Variants in SRCIN1 observed in about 807,000 individuals in gnomAD.
The protein encoded by SRCIN1 is SRC kinase signaling inhibitor 1.
SRCIN1 carries 50 observed loss-of-function variants against 116.2 expected under a neutral mutation model. The ratio of observed to expected loss-of-function variants is 0.43; its 90% CI spans 0.34 to 0.54. The LOEUF (loss-of-function observed/expected upper bound fraction) is 0.54. Among genes scored for constraint, SRCIN1 ranks in the 20% least tolerant of loss-of-function variants. The probability of loss-of-function intolerance (pLI) is 0.02; values close to 1 mark genes in which losing one functional copy is unlikely to be tolerated. For missense variants in SRCIN1, 1,446 were observed against 1,672.0 expected (o/e 0.86, Z 2.36); for synonymous variants, 736 against 750.0 (o/e 0.98, Z 0.30).
At chr17:38,567,847 A>C (rs117574743) in intron 3 of SRCIN1, among the ~76,000 whole-genome samples, 1,931 of 152,316 alleles carry the variant, frequency 0.013, 16 homozygotes, top group South Asian at 0.04. Context: ...GAATTCAAAG[A>C]AGAGGGCCCA....
chr17:38,589,168 G>A (rs1022813822), intron 1 of SRCIN1, among the ~76,000 whole-genome samples: 2 of 152,126 alleles, frequency 1.3e-5, no homozygotes, highest in African/African-American at 4.8e-5. Context: ...CACCTGCCTC[G>A]GCCTCCCAAA....
chr17:38,531,885 T>A lies in SRCIN1; in HGVS notation c.*1412A>T, dbSNP rs544584894. On this transcript the variant is annotated 3_prime_UTR_variant, in exon 19 of 19. Coordinates refer to ENST00000617146, the MANE Select transcript of SRCIN1 (RefSeq NM_025248.3). ...GATTCTAGTCCCCCTCCCCTGTGCTTACTTCACTTTGTGCTCCAAGTGGGA... is the reference window on the plus strand; with the variant it reads ...GATTCTAGTCCCCCTCCCCTGTGCTAACTTCACTTTGTGCTCCAAGTGGGA... 4.8e-4 allele frequency: 74 copies of A among 153,204 alleles called. No homozygotes were observed. Among genetic ancestry groups the A allele is most frequent in the African/African-American group, 1.7e-3 (70 of 41,562 alleles). 9.5% of individuals were successfully genotyped at this position (153,204 alleles called of 1,614,324 possible). A position where few individuals can be genotyped will look rare whatever the true frequency, so the allele number is the denominator to read the frequency against.
At chr17:38,599,327 G>A (rs1018049885) in intron 1 of SRCIN1, among the ~76,000 whole-genome samples, 3 of 152,154 alleles carry the variant, frequency 2.0e-5, no homozygotes, top group Non-Finnish European at 4.4e-5. Context: ...TTTGCCCTAA[G>A]GAGCAGAGGA....
rs1567857774 is a variant in SRCIN1, at chr17:38,551,212, CCTTGGGGGG to C, written c.2896_2904del (p.Pro966_Lys968del). ...GGGGCTGCCTTCTGGCCGTGGGGGG[CCTTGGGGGG>C]CTTGTGATCTGGAGTGGGGGCCGGG... On this transcript the variant is annotated inframe_deletion, in exon 15 of 19. Coordinates refer to ENST00000617146, the MANE Select transcript of SRCIN1 (RefSeq NM_025248.3). The C allele has an allele frequency of 6.2e-7, 1 of 1,603,578 alleles. No individual in the cohort carries two copies. Among genetic ancestry groups the C allele is most frequent in the Admixed American group, 1.7e-5 (1 of 59,882 alleles).
intron 1 of SRCIN1, among the ~76,000 whole-genome samples, chr17:38,594,786 G>A (rs1908633753): frequency 6.6e-6 from 1 of 152,158 alleles, no homozygotes; most frequent in African/African-American, 2.4e-5. Context: ...AGGGCAGGCT[G>A]ACTCTCAAGT....
At chr17:38,576,988 T>C (rs1157575382) in intron 2 of SRCIN1, among the ~76,000 whole-genome samples, 1 of 151,994 alleles carries the variant, frequency 6.6e-6, no homozygotes, top group Admixed American at 6.6e-5. Flanking sequence ...TCCCACTACC[T>C]CCCACCTGAG....
chr17:38,551,439 ACCTCTGGGG>A (rs1485002524), intron 14 of SRCIN1, 50 bp from the exon 15 acceptor site: 1 of 1,475,978 alleles, frequency 6.8e-7, no homozygotes, highest in African/African-American at 1.4e-5. Context: ...CTGCTCCAGG[ACCTCTGGGG>A]CCTCAGCCTC....
chr17:38,588,629 G>A (rs147120212), intron 1 of SRCIN1, among the ~76,000 whole-genome samples: 5 of 152,256 alleles, frequency 3.3e-5, no homozygotes, highest in African/African-American at 4.8e-5. Context: ...TGAGTGCTGC[G>A]CCCCTCTGTG....
At position 38,552,610 on chromosome 17, in the gene SRCIN1, G is replaced by C. The variant is rs768814340; in HGVS notation, c.2333-16C>G. 2 of 1,612,678 alleles carry C rather than the reference G, an allele frequency of 1.2e-6. No individual in the cohort carries two copies. Among genetic ancestry groups the C allele is most frequent in the South Asian group, 2.2e-5 (2 of 91,008 alleles). ...GGGAAGTGAGCTGAGGAGACAGGAA[G>C]GCATGAGCTGGGGCCAGAGGGAGCA... On this transcript the variant is annotated splice_polypyrimidine_tract_variant and intron_variant, in intron 12 of 18. Coordinates refer to ENST00000617146, the MANE Select transcript of SRCIN1 (RefSeq NM_025248.3). The surrounding 1 kb of genome is among the most constrained non-coding windows in gnomAD (Gnocchi z 5.3).
Position 38,552,406 on chromosome 17 carries a change from G to C in SRCIN1, c.2480+41C>G. ...TATGACCTATGGGTCTGGGCCCGGTGTGTGAACCCATGGGAAATCAGAGGT... is the reference window on the plus strand; with the variant it reads ...TATGACCTATGGGTCTGGGCCCGGTCTGTGAACCCATGGGAAATCAGAGGT... On this transcript the variant is annotated intron_variant, in intron 13 of 18. Coordinates refer to ENST00000617146, the MANE Select transcript of SRCIN1 (RefSeq NM_025248.3). The surrounding 1 kb of genome is among the most constrained non-coding windows in gnomAD (Gnocchi z 5.3). 2 of 1,577,592 alleles carry C rather than the reference G, an allele frequency of 1.3e-6. No individual in the cohort carries two copies. The highest frequency in any genetic ancestry group is 4.6e-5 in the East Asian group (2 of 43,356).
intron 18 of SRCIN1, among the ~76,000 whole-genome samples, chr17:38,537,643 G>A (rs1403920736): frequency 6.6e-6 from 1 of 151,160 alleles, no homozygotes; most frequent in Non-Finnish European, 1.5e-5. Context: ...TACGAAAAAT[G>A]AGCCAGGCGT....
chr17:38,585,701 G>C lies in SRCIN1; in HGVS notation c.23-6910C>G, dbSNP rs1036881137. 1.3e-5 allele frequency among the ~76,000 whole-genome samples: 2 copies of C among 152,162 alleles called. No homozygotes were observed. The highest frequency in any genetic ancestry group is 4.8e-5 in the African/African-American group (2 of 41,436). The stretch of plus-strand genomic sequence containing the variant: ...ACCATCTTTTCCGCCCCATACCACA[G>C]CAACCAAAGTCATTTTCCGGGCAAT... On this transcript the variant is annotated intron_variant, in intron 1 of 18. Transcript: ENST00000617146. The surrounding 1 kb of genome is among the most constrained non-coding windows in gnomAD (Gnocchi z 4.2).
intron 2 of SRCIN1, among the ~76,000 whole-genome samples, chr17:38,577,531 G>A (rs768662516): frequency 6.6e-6 from 1 of 152,152 alleles, no homozygotes; most frequent in Admixed American, 6.5e-5. Context: ...AGTAGAACCC[G>A]GAAAAGGGAG....
chr17:38,534,201 C>T (rs544958713), intron 18 of SRCIN1, among the ~76,000 whole-genome samples: 27 of 152,338 alleles, frequency 1.8e-4, no homozygotes, highest in African/African-American at 6.5e-4. Flanking sequence ...TCCACCGGTC[C>T]TGGAGGCTTT....
intron 2 of SRCIN1, among the ~76,000 whole-genome samples, chr17:38,573,121 C>T (rs1567873218): frequency 6.6e-6 from 1 of 152,208 alleles, no homozygotes; most frequent in Non-Finnish European, 1.5e-5. Context: ...CTCTGGTGCC[C>T]TCCCAGGATC....
chr17:38,561,782 G>C lies in SRCIN1; in HGVS notation c.1381C>G (p.Leu461Val). 6.7e-7 allele frequency: 1 copy of C among 1,486,378 alleles called. No homozygotes were observed. Among genetic ancestry groups the C allele is most frequent in the Non-Finnish European group, 8.9e-7 (1 of 1,125,896 alleles). 92.1% of individuals were successfully genotyped at this position (1,486,378 alleles called of 1,614,324 possible). A position where few individuals can be genotyped will look rare whatever the true frequency, so the allele number is the denominator to read the frequency against. ...CGGAAGCCGTAGCCGTCGCCGTACA[G>C]CGGGCCGCCGCCGCCCGCCGCCTTG... is the stretch of plus-strand genomic sequence containing the variant. The part of the protein sequence containing the change: ...LYKAAGGGGP[L>V]YGDGYGFRLP... The change falls in exon 7 of 19, where the codon CTG becomes GTG. Residue 461 changes from leucine (L) to valine (V), a missense_variant. Physicochemically the swap from Leu to Val is conservative, Grantham distance 32 (BLOSUM62 1). Around this residue, in one of 5 missense-constraint regions of SRCIN1, gnomAD observed 398 missense variants for 385.6 expected, o/e 1.03. Coordinates refer to ENST00000617146, the MANE Select transcript of SRCIN1 (RefSeq NM_025248.3).
Position 38,552,107 on chromosome 17 carries a change from G to A in SRCIN1, c.2506C>T (p.Pro836Ser), listed in dbSNP as rs774648084. ...RRQVDEGVWPPPNNLLSQSPK... is the reference protein window; with the variant it reads ...RRQVDEGVWPSPNNLLSQSPK... ...GACTGACTCAGGAGATTGTTGGGGG[G>A]TGGCCACACACCCTCATCCACTTGC... The change falls in exon 14 of 19, where the codon CCC becomes TCC. Residue 836 changes from proline (P) to serine (S), a missense_variant. Pro to Ser is a moderately conservative substitution (Grantham distance 74). Transcript: ENST00000617146. This position sits in a 1 kb window ranked among gnomAD's most constrained non-coding sequence, Gnocchi z 5.3. 2.6e-5 allele frequency: 42 copies of A among 1,612,724 alleles called. No homozygotes were observed. In the Middle Eastern group the frequency reaches 4.9e-4, roughly 19 times the overall value.
At chr17:38,577,950 C>G (rs1016661747) in intron 2 of SRCIN1, among the ~76,000 whole-genome samples, 2 of 152,136 alleles carry the variant, frequency 1.3e-5, no homozygotes, top group Non-Finnish European at 2.9e-5. Flanking sequence ...CGGGGTGGAA[C>G]AGGGAGGAAA....
intron 1 of SRCIN1, among the ~76,000 whole-genome samples, chr17:38,601,756 G>A (rs183324371): frequency 1.3e-5 from 2 of 152,146 alleles, no homozygotes; most frequent in East Asian, 3.9e-4. Context: ...GTTAACCCAG[G>A]CCCATCCCTT....
Sources: allele counts gnomAD v4.1 joint callset (sites outside exome capture counted in the v4.1 genomes callset), GRCh38; gene constraint gnomAD v4.1.1; regional missense constraint gnomAD v4.1.1; non-coding constraint Gnocchi (gnomAD v3.1); transcripts MANE v1.5; gene names NCBI Gene and HGNC (gene_info 2026-07-23, HGNC 2026-07-21).